The following TANGO2 variants were observed in gnomAD, a reference collection of about 807,000 sequenced individuals.
TANGO2 encodes transport and Golgi organization protein 2 homolog.
TANGO2 carries 26 observed loss-of-function variants against 39.1 expected under a neutral mutation model. That is an observed-to-expected ratio of 0.67 (90% CI 0.49 to 0.92). The LOEUF (loss-of-function observed/expected upper bound fraction) is 0.92, where lower values mean the gene tolerates loss of function less well. Among genes scored for constraint, TANGO2 ranks in the 40% least tolerant of loss-of-function variants. The pLI, the probability that TANGO2 is intolerant of heterozygous loss-of-function variation, is 0.00. For missense variants in TANGO2, 326 were observed against 360.1 expected, an observed-to-expected ratio of 0.91 and a Z score of 0.77; for synonymous variants, 131 against 144.5, an observed-to-expected ratio of 0.91 and a Z score of 0.67.
chr22:20,050,865 G>A (rs980161181), intron 3 of TANGO2, among the ~76,000 whole-genome samples: 3 of 138,612 alleles, frequency 2.2e-5, no homozygotes, highest in Non-Finnish European at 3.1e-5. Context: ...TTTTGAGACA[G>A]AGTTTCGCTG....
chr22:20,025,907 G>A (rs1017162735), intron 1 of TANGO2, among the ~76,000 whole-genome samples: 1 of 152,186 alleles, frequency 6.6e-6, no homozygotes, highest in Middle Eastern at 3.2e-3. Flanking sequence ...TTGAAGCTAG[G>A]GTGACTACTG....
chr22:20,056,382 G>T (rs760449029), intron 6 of TANGO2: 5 of 500,486 alleles, frequency 1.0e-5, no homozygotes, highest in Non-Finnish European at 2.0e-5. Context: ...TTCTTGCCTG[G>T]TCTGCTCCCT....
At chr22:20,032,316 G>T (rs920952525) in intron 1 of TANGO2, among the ~76,000 whole-genome samples, 2 of 152,284 alleles carry the variant, frequency 1.3e-5, no homozygotes, top group Non-Finnish European at 2.9e-5. Flanking sequence ...CTGCAAGCCT[G>T]GTGGTTGTGT....
At chr22:20,060,545 G>T (rs1018712736) in intron 6 of TANGO2, among the ~76,000 whole-genome samples, 1 of 152,132 alleles carries the variant, frequency 6.6e-6, no homozygotes, top group Non-Finnish European at 1.5e-5. Context: ...GATTATAGGA[G>T]TGAGCCACCT....
intron 3 of TANGO2, among the ~76,000 whole-genome samples, chr22:20,049,430 G>A (rs2045861489): frequency 6.6e-6 from 1 of 152,130 alleles, no homozygotes; most frequent in South Asian, 2.1e-4. Flanking sequence ...GGAGACCGAG[G>A]TGGGCAGATC....
At chr22:20,033,087 C>G (rs376584027) in intron 1 of TANGO2, 256 of 439,110 alleles carry the variant, frequency 5.8e-4, no homozygotes, top group Non-Finnish European at 1.0e-3. Context: ...AGGGGGAGAC[C>G]TGCTGGCTAG....
intron 2 of TANGO2, among the ~76,000 whole-genome samples, chr22:20,041,338 A>C (rs1258288331): frequency 3.2e-5 from 2 of 63,340 alleles, no homozygotes; most frequent in African/African-American, 1.3e-4. Flanking sequence ...TTTGAGACGG[A>C]GTCTTGCTCT....
At chr22:20,046,716 A>G (rs1244140433) in intron 3 of TANGO2, among the ~76,000 whole-genome samples, 2 of 152,092 alleles carry the variant, frequency 1.3e-5, no homozygotes, top group Admixed American at 6.6e-5. Context: ...ACATAGGTAT[A>G]CATACATGTG....
At chr22:20,051,270 A>G (rs1238978337) in intron 3 of TANGO2, among the ~76,000 whole-genome samples, 4 of 150,890 alleles carry the variant, frequency 2.7e-5, no homozygotes, top group Non-Finnish European at 4.4e-5. Flanking sequence ...GGTGGCTCAC[A>G]CCTGTAATCC....
At chr22:20,017,406 C>T (rs1241116305), upstream of TANGO2, among the ~76,000 whole-genome samples, 1 of 152,152 alleles carries the variant, frequency 6.6e-6, no homozygotes, top group Non-Finnish European at 1.5e-5. Flanking sequence ...GCCCCTGGGT[C>T]CCCGCAGCGG....
At chr22:20,059,249 G>A (rs144935144) in intron 6 of TANGO2, among the ~76,000 whole-genome samples, 3 of 152,296 alleles carry the variant, frequency 2.0e-5, no homozygotes, top group Admixed American at 6.5e-5. Context: ...CTGAACCCTC[G>A]AGCCAGTTGG....
At chr22:20,020,685 G>A (rs1054879846), upstream of TANGO2, among the ~76,000 whole-genome samples, 3 of 152,116 alleles carry the variant, frequency 2.0e-5, no homozygotes, top group African/African-American at 7.2e-5. Context: ...TCCAGAGGTG[G>A]GGTTGAGTGA....
intron 1 of TANGO2, among the ~76,000 whole-genome samples, chr22:20,022,563 G>A (rs1253596260): frequency 1.3e-5 from 2 of 152,252 alleles, no homozygotes; most frequent in Non-Finnish European, 2.9e-5. Context: ...GTGACCAGCT[G>A]TCAGCTCTTC....
chr22:20,065,900 T>G lies in TANGO2; in HGVS notation c.*1238T>G, dbSNP rs960800344. 6 of 152,346 alleles carry G rather than the reference T, an allele frequency of 3.9e-5. No homozygotes were observed. Among genetic ancestry groups the G allele is most frequent in the African/African-American group, 1.4e-4 (6 of 41,446 alleles). The allele number at this position is 152,346 out of a possible 1,614,324, so 9.4% of individuals were successfully genotyped here. A position where few individuals can be genotyped will look rare whatever the true frequency, so the allele number is the denominator to read the frequency against. On this transcript the variant is annotated 3_prime_UTR_variant, in exon 9 of 9. Coordinates refer to ENST00000327374, the MANE Select transcript of TANGO2 (RefSeq NM_152906.7). Reference sequence around the variant, plus strand: ...GTACCTGAATGTGAGCTCCTGATAATAAAACTCTGAGGCTTTGGTGAGCGC... The same window carrying G: ...GTACCTGAATGTGAGCTCCTGATAAGAAAACTCTGAGGCTTTGGTGAGCGC...
chr22:20,061,920 A>T, intron 7 of TANGO2: 1 of 530,590 alleles, frequency 1.9e-6, no homozygotes, highest in Middle Eastern at 5.0e-4. Context: ...GGCCCAGGGG[A>T]GGCTCAGTGC....
intron 7 of TANGO2, among the ~76,000 whole-genome samples, chr22:20,062,493 A>AG (rs1288831423): frequency 6.6e-6 from 1 of 152,060 alleles, no homozygotes; most frequent in Non-Finnish European, 1.5e-5. Flanking sequence ...GGCCTCTGAT[A>AG]GGCGGCCTCG....
upstream of TANGO2, among the ~76,000 whole-genome samples, chr22:20,017,911 C>T (rs1945313772): frequency 2.0e-5 from 3 of 152,186 alleles, no homozygotes; most frequent in African/African-American, 4.8e-5. Flanking sequence ...TCCTTTCCTG[C>T]CCTGGATGCA....
chr22:20,062,165 G>A (rs893572441), intron 7 of TANGO2, among the ~76,000 whole-genome samples: 1 of 150,650 alleles, frequency 6.6e-6, no homozygotes, highest in Admixed American at 6.6e-5. Context: ...TTGCAGTTCC[G>A]GGAACTGCCT....
At chr22:20,051,608 T>C (rs2046356343) in intron 3 of TANGO2, among the ~76,000 whole-genome samples, 1 of 152,108 alleles carries the variant, frequency 6.6e-6, no homozygotes, top group Non-Finnish European at 1.5e-5. Flanking sequence ...TCCCAGCACT[T>C]TGGGAGGCTG....
Sources: gnomAD v4.1 joint callset for allele counts (sites outside exome capture counted in the v4.1 genomes callset) on GRCh38, gnomAD v4.1.1 for gene constraint, MANE v1.5 for transcripts, NCBI Gene and HGNC (gene_info 2026-07-23, HGNC 2026-07-21) for gene names.